Variants in LMF1 observed in about 807,000 individuals in gnomAD.
LMF1 encodes the protein transmembrane protein 112.
Under a neutral mutation model 60.6 loss-of-function variants are expected in LMF1, and 68 were observed. The ratio of observed to expected loss-of-function variants is 1.12; its 90% CI spans 0.92 to 1.37. The LOEUF (loss-of-function observed/expected upper bound fraction) is 1.37. Ranked by LOEUF, LMF1 falls within the 40% of genes most tolerant of loss-of-function variation. The pLI, the probability that LMF1 is intolerant of heterozygous loss-of-function variation, is 0.00. For synonymous variants in LMF1, 418 were observed against 324.7 expected (o/e 1.29, Z -3.09); for missense variants, 948 against 767.2 (o/e 1.24, Z -2.78).
intron 5 of LMF1, among the ~76,000 whole-genome samples, chr16:881,671 A>G (rs1311829968): frequency 6.6e-6 from 1 of 152,228 alleles, no homozygotes; most frequent in African/African-American, 2.4e-5. Context: ...GGGAAAAGCC[A>G]GAGAAGAACC....
chr16:858,004 G>C (rs2069260190), intron 10 of LMF1, among the ~76,000 whole-genome samples: 2 of 66,194 alleles, frequency 3.0e-5, no homozygotes, highest in African/African-American at 1.3e-4. Flanking sequence ...CGGGATGGGT[G>C]TGAGTGGTGT....
At chr16:877,055 T>C (rs1312584105) in intron 6 of LMF1, among the ~76,000 whole-genome samples, 4 of 152,144 alleles carry the variant, frequency 2.6e-5, no homozygotes, top group African/African-American at 9.7e-5. Flanking sequence ...ACACAGGCCT[T>C]GAGGCCGGGC....
upstream of LMF1, among the ~76,000 whole-genome samples, chr16:973,858 A>G (rs1034546547): frequency 1.3e-5 from 2 of 151,874 alleles, 1 homozygote; most frequent in South Asian, 4.2e-4. Flanking sequence ...AACAACAACA[A>G]AATTAGCCGG....
intron 5 of LMF1, among the ~76,000 whole-genome samples, chr16:888,399 G>C (rs564931109): frequency 1.3e-5 from 2 of 152,218 alleles, no homozygotes; most frequent in Admixed American, 6.5e-5. Flanking sequence ...AACGTTCAGG[G>C]TCCCTGTACT....
chr16:882,298 G>A (rs923553250), intron 5 of LMF1, among the ~76,000 whole-genome samples: 3 of 152,182 alleles, frequency 2.0e-5, no homozygotes, highest in Non-Finnish European at 2.9e-5. Context: ...AGCATGGCTC[G>A]CCTCCCCTGG....
At chr16:887,861 G>A (rs1304285645) in intron 5 of LMF1, among the ~76,000 whole-genome samples, 1 of 152,174 alleles carries the variant, frequency 6.6e-6, no homozygotes, top group Non-Finnish European at 1.5e-5. Flanking sequence ...GCAGGTGTGG[G>A]AGCCCAGAGA....
intron 5 of LMF1, among the ~76,000 whole-genome samples, chr16:887,723 G>A (rs1322174990): frequency 2.0e-5 from 3 of 152,182 alleles, no homozygotes; most frequent in African/African-American, 4.8e-5. Flanking sequence ...AGGGTGAGCA[G>A]GGTGGTCGCA....
At chr16:958,681 G>C (rs576907370) in intron 1 of LMF1, among the ~76,000 whole-genome samples, 1 of 152,190 alleles carries the variant, frequency 6.6e-6, no homozygotes, top group South Asian at 2.1e-4. Flanking sequence ...GAGGTCAGGA[G>C]TTCAAGACCA....
At chr16:972,243 CCATTT>C (rs58817682), upstream of LMF1, among the ~76,000 whole-genome samples, 32,945 of 152,060 alleles carry the variant, frequency 0.22, 4,051 homozygotes, top group South Asian at 0.33. Context: ...TTTTTAGTTT[CCATTT>C]CTTTTCTATG....
At chr16:928,629 C>G (rs1486603569) in intron 3 of LMF1, among the ~76,000 whole-genome samples, 1 of 152,116 alleles carries the variant, frequency 6.6e-6, no homozygotes, top group Non-Finnish European at 1.5e-5. Flanking sequence ...GCCTCCAGCC[C>G]CTCCCCACAG....
At chr16:926,746 C>G (rs1313164914) in intron 3 of LMF1, among the ~76,000 whole-genome samples, 1 of 152,214 alleles carries the variant, frequency 6.6e-6, no homozygotes, top group African/African-American at 2.4e-5. Flanking sequence ...GAGGCTTCCT[C>G]TCCTCCTTCA....
intron 2 of LMF1, among the ~76,000 whole-genome samples, chr16:943,726 CAAAAA>C (rs3057499): frequency 8.8e-5 from 5 of 56,808 alleles, no homozygotes; most frequent in Non-Finnish European, 1.6e-4. Context: ...GACTCTGTCT[CAAAAA>C]AAAAAAAAAA....
chr16:946,335 C>A (rs1004293865), intron 2 of LMF1, among the ~76,000 whole-genome samples: 1 of 152,208 alleles, frequency 6.6e-6, no homozygotes, highest in African/African-American at 2.4e-5. Context: ...TTGCAAATCC[C>A]AGAAACCTCA....
Position 959,397 on chromosome 16 carries a change from G to A in LMF1, c.194-4731C>T, listed in dbSNP as rs564771203. Among the ~76,000 whole-genome samples the A allele has an allele frequency of 6.6e-5, 10 of 152,266 alleles. No individual in the cohort carries two copies. The South Asian group carries it at 8.3e-4, about 13-fold the overall frequency. ...AGAGGGACGGGAGACAGACCCGGGC[G>A]TGCCAGGGGCTGGTGCAGGGGAAGT... is the stretch of plus-strand genomic sequence containing the variant. On this transcript the variant is annotated intron_variant, in intron 1 of 10. Transcript: ENST00000262301.
intron 10 of LMF1, chr16:855,882 G>C (rs1413183126): frequency 2.2e-6 from 1 of 455,930 alleles, no homozygotes; most frequent in African/African-American, 2.0e-5. Flanking sequence ...CTTGGGCCAT[G>C]CCCCTTAGGC....
At chr16:915,844 AG>A (rs1214897265) in intron 3 of LMF1, among the ~76,000 whole-genome samples, 3 of 151,754 alleles carry the variant, frequency 2.0e-5, no homozygotes, top group African/African-American at 7.3e-5. Context: ...GGTGAGATGC[AG>A]GGGCCGGAGC....
At chr16:871,074 TC>T in intron 7 of LMF1, 86 bp downstream of exon 7, 5 of 1,440,722 alleles carry the variant, frequency 3.5e-6, no homozygotes, top group South Asian at 2.8e-5. Flanking sequence ...TACCCTGGCG[TC>T]CCCAACCCAC....
At chr16:916,714 A>C (rs952712244) in intron 3 of LMF1, among the ~76,000 whole-genome samples, 1 of 152,218 alleles carries the variant, frequency 6.6e-6, no homozygotes, top group Non-Finnish European at 1.5e-5. Flanking sequence ...CACGGGGAAA[A>C]CATCTTTTGT....
chr16:887,993 G>A (rs1012418395), intron 5 of LMF1, among the ~76,000 whole-genome samples: 4 of 152,072 alleles, frequency 2.6e-5, no homozygotes, highest in African/African-American at 4.8e-5. Context: ...GAGGGTCTGT[G>A]GTGCGTGGCC....
Sources: allele counts gnomAD v4.1 joint callset (sites outside exome capture counted in the v4.1 genomes callset), GRCh38; gene constraint gnomAD v4.1.1; transcripts MANE v1.5; gene names NCBI Gene and HGNC (gene_info 2026-07-23, HGNC 2026-07-21).